The following IL2RG variants were observed in gnomAD, a reference collection of about 807,000 sequenced individuals.
IL2RG encodes cytokine receptor common subunit gamma.
For synonymous variants in IL2RG, 111 were observed against 108.5 expected (o/e 1.02, Z -0.15); for missense variants, 205 against 272.9 (o/e 0.75, Z 1.75).
chrX:71,108,478 C>T, intron 6 of IL2RG, 121 bp downstream of exon 6: 2 of 698,253 alleles, frequency 2.9e-6, no homozygotes, highest in Non-Finnish European at 4.5e-6. Flanking sequence ...TCACCAAACC[C>T]TCTTGGGTAA....
chrX:71,110,770 C>A, intron 2 of IL2RG, 82 bp from the exon 3 acceptor site: 1 of 1,085,156 alleles, frequency 9.2e-7, no homozygotes, highest in Non-Finnish European at 1.3e-6. Context: ...CCTCATCTCC[C>A]CTCAACCGAC....
Position 71,110,676 on chromosome X carries a change from C to T in IL2RG, c.282G>A (p.Ser94=), listed in dbSNP as rs142807857. 177 of 1,205,771 alleles carry T rather than the reference C, an allele frequency of 1.5e-4. No homozygotes were observed. The East Asian group carries it at 2.3e-3, about 16-fold the overall frequency. Reference sequence around the variant, plus strand: ...TGCACTTCTGGACTTTATCATTATCCGAGTTCTTGTACCTAGAGGAGAAAG... The same window carrying T: ...TGCACTTCTGGACTTTATCATTATCTGAGTTCTTGTACCTAGAGGAGAAAG... ...NLTLHYWYKN[S]DNDKVQKCSH... is the part of the protein sequence containing the mutation. Residue 94 remains serine (S), a synonymous_variant, in exon 3 of 8, where the codon TCG becomes TCA. Coordinates refer to ENST00000374202, the MANE Select transcript of IL2RG (RefSeq NM_000206.3).
Position 71,111,551 on chromosome X carries a change from TTCATTC to T in IL2RG, c.-18_-13del. The T allele has an allele frequency of 8.3e-7, 1 of 1,210,815 alleles. No homozygotes were observed. Among genetic ancestry groups the T allele is most frequent in the Non-Finnish European group, 1.1e-6 (1 of 894,888 alleles). On this transcript the variant is annotated 5_prime_UTR_variant, in exon 1 of 8. It removes an upstream start codon present in the reference 5' UTR. Coordinates refer to ENST00000374202, the MANE Select transcript of IL2RG (RefSeq NM_000206.3). ...GATGGCTTCAACATGGCGCTTGCTC[TTCATTC>T]CCTGGGTGTAGTCTGTCTGTGTCAG...
In IL2RG at chrX:71,107,554, G is replaced by C; in HGVS notation, c.*182C>G. The C allele has an allele frequency of 3.0e-6, 1 of 336,711 alleles. No individual in the cohort carries two copies. Among genetic ancestry groups the C allele is most frequent in the Non-Finnish European group, 5.3e-6 (1 of 189,152 alleles). 27.7% of individuals were successfully genotyped at this position (336,711 alleles called of 1,213,427 possible). A position where few individuals can be genotyped will look rare whatever the true frequency, so the allele number is the denominator to read the frequency against. ...TGAGGGAGAAGAAAAACATGTTCGG[G>C]GCAAAAGGGTAATTCTCAAGTGGGG... On this transcript the variant is annotated 3_prime_UTR_variant, in exon 8 of 8. Transcript: ENST00000374202.
chrX:71,110,366 T>A (rs2092260906), intron 3 of IL2RG, 71 bp from the exon 4 acceptor site: 1 of 1,119,414 alleles, frequency 8.9e-7, no homozygotes, highest in Non-Finnish European at 1.2e-6. Flanking sequence ...GTAGTGCCCC[T>A]AATACCTCCT....
At chrX:71,110,396 C>T in intron 3 of IL2RG, 101 bp from the exon 4 acceptor site, 1 of 1,108,993 alleles carries the variant, frequency 9.0e-7, no homozygotes, top group Non-Finnish European at 1.2e-6. Flanking sequence ...TCATGATCCC[C>T]TACCTCCTCT....
chrX:71,108,901 G>T (rs887379535), intron 5 of IL2RG, among the ~76,000 whole-genome samples: 9 of 112,620 alleles, frequency 8.0e-5, no homozygotes, highest in Non-Finnish European at 1.7e-4. Context: ...CAAAGAGGTA[G>T]TATGTGGCAC....
chrX:71,108,372 G>A, intron 6 of IL2RG, 26 bp from the exon 7 acceptor site: 1 of 1,055,269 alleles, frequency 9.5e-7, no homozygotes. Context: ...GAGGGAGCAG[G>A]AGCACATAGG....
intron 7 of IL2RG, 53 bp downstream of exon 7, chrX:71,108,224 G>T: frequency 1.1e-6 from 1 of 892,825 alleles, no homozygotes; most frequent in Non-Finnish European, 1.7e-6. Context: ...CTGTCTTGCT[G>T]GCAGGCAGTT....
chrX:71,109,170 G>A lies in IL2RG; in HGVS notation c.757+58C>T. ...ACAGGGAAGTGGAGCAAAAGACAGT[G>A]GTGTTAGAAAGGCTGGGGTGTTGGG... On this transcript the variant is annotated intron_variant, in intron 5 of 7. Transcript: ENST00000374202. 2.7e-6 allele frequency: 3 copies of A among 1,108,005 alleles called. No homozygotes were observed. The South Asian group carries it at 5.5e-5, about 20-fold the overall frequency. 91.3% of individuals were successfully genotyped at this position (1,108,005 alleles called of 1,213,427 possible).
In IL2RG at chrX:71,110,602, T is replaced by G; in HGVS notation, c.356A>C (p.Lys119Thr). ...TGTTTGGTAGAGGTGGATCTCCTTT[T>G]TTTGCAACTGACAGCCAGAAGTGAT... is the stretch of plus-strand genomic sequence containing the variant. ...EEITSGCQLQ[K>T]KEIHLYQTFV... Residue 119 changes from lysine to threonine, a missense_variant, in exon 3 of 8, where the codon AAA (lysine) becomes ACA (threonine). Coordinates refer to ENST00000374202, the MANE Select transcript of IL2RG (RefSeq NM_000206.3). The G allele has an allele frequency of 4.1e-6, 5 of 1,209,578 alleles. No homozygotes were observed. Among genetic ancestry groups the G allele is most frequent in the Non-Finnish European group, 5.6e-6 (5 of 893,478 alleles).
Position 71,107,667 on chromosome X carries a change from TG to T in IL2RG, c.*68del. 2 of 883,656 alleles carry T rather than the reference TG, an allele frequency of 2.3e-6. No individual in the cohort carries two copies. The highest frequency in any genetic ancestry group is 1.5e-6 in the Non-Finnish European group (1 of 657,806). The allele number at this position is 883,656 out of a possible 1,213,427, so 72.8% of individuals were successfully genotyped here. ...AGGTGAGTATGAGACGCAGGTGGGT[TG>T]AATGAAGGAAAGTTAGTACCACTTA... On this transcript the variant is annotated 3_prime_UTR_variant, in exon 8 of 8. Transcript: ENST00000374202.
chrX:71,110,173 A>G lies in IL2RG; in HGVS notation c.577T>C (p.Trp193Arg), dbSNP rs2092260403. The part of the protein sequence containing the change: ...LEHLVQYRTD[W>R]DHSWTEQSVD... The stretch of plus-strand genomic sequence containing the variant: ...TCACTCACAGTCCAGCTGTGGTCCC[A>G]GTCAGTCCGGTACTGCACCAAGTGC... The change falls in exon 4 of 8, where the codon TGG becomes CGG. Residue 193 changes from tryptophan to arginine, a missense_variant. Trp to Arg is a moderately radical substitution (Grantham distance 101). Transcript: ENST00000374202. 1 of 1,211,057 alleles carries G rather than the reference A, an allele frequency of 8.3e-7. No homozygotes were observed.
chrX:71,108,099 C>A lies in IL2RG; in HGVS notation c.924+178G>T. On this transcript the variant is annotated intron_variant, in intron 7 of 7. Coordinates refer to ENST00000374202, the MANE Select transcript of IL2RG (RefSeq NM_000206.3). ...TCTGCCTCATTCAATCTATAATCTG[C>A]ACTTCTGTGTGTGTCTCTCTCTGTA... The A allele has an allele frequency of 3.8e-6, 2 of 529,612 alleles. 1 individual carries two copies. The highest frequency in any genetic ancestry group is 6.6e-6 in the Non-Finnish European group (2 of 301,477). The allele number at this position is 529,612 out of a possible 1,213,427, so 43.6% of individuals were successfully genotyped here.
Position 71,110,649 on chromosome X carries a change from G to A in IL2RG, c.309C>T (p.Ser103=). ...TGATTTCTTCAGAGAATAGATAGTG[G>A]CTGCACTTCTGGACTTTATCATTAT... ...NSDNDKVQKC[S]HYLFSEEITS... The change falls in exon 3 of 8, where the codon AGC becomes AGT. Residue 103 remains serine (S), a synonymous_variant. Transcript: ENST00000374202. The A allele has an allele frequency of 8.3e-7, 1 of 1,210,038 alleles. No individual in the cohort carries two copies. The highest frequency in any genetic ancestry group is 1.8e-5 in the South Asian group (1 of 56,942).
At position 71,111,000 on chromosome X, in the gene IL2RG, G is replaced by A. The variant is rs1336706562; in HGVS notation, c.166C>T (p.Pro56Ser). The change falls in exon 2 of 8, where the codon CCC becomes TCC. Residue 56 changes from proline to serine, a missense_variant. Transcript: ENST00000374202. Reference protein sequence around the residue: ...PTDSLSVSTLPLPEVQCFVFN... With the variant: ...PTDSLSVSTLSLPEVQCFVFN... ...ACAAAACACTGAACCTCTGGGAGGG[G>A]CAGAGTGGAAACACTGAGGGAGTCA... 1 of 1,203,380 alleles carries A rather than the reference G, an allele frequency of 8.3e-7. No homozygotes were observed. The highest frequency in any genetic ancestry group is 3.0e-5 in the East Asian group (1 of 33,640).
At position 71,111,238 on chromosome X, in the gene IL2RG, GAAAC is replaced by G. The variant is rs1420232595; in HGVS notation, c.115+183_115+186del. Reference sequence around the variant, plus strand: ...GAGACCCTGCCTCAAAAGAAAGAAAGAAACAAACAAACAAGAAAGAAAGAAGAAG... The same window carrying G: ...GAGACCCTGCCTCAAAAGAAAGAAAGAAACAAACAAGAAAGAAAGAAGAAG... On this transcript the variant is annotated intron_variant, in intron 1 of 7. Transcript: ENST00000374202. 4.1e-5 allele frequency: 29 copies of G among 712,582 alleles called. 1 individual carries two copies. The South Asian group carries it at 4.4e-4, about 11-fold the overall frequency. The allele number at this position is 712,582 out of a possible 1,213,427, so 58.7% of individuals were successfully genotyped here.
Position 71,108,360 on chromosome X carries a change from AAG to A in IL2RG, c.855-16_855-15del. On this transcript the variant is annotated splice_polypyrimidine_tract_variant and intron_variant, in intron 6 of 7. Coordinates refer to ENST00000374202, the MANE Select transcript of IL2RG (RefSeq NM_000206.3). ...CGGGGCATCGTCCTGACAGGGGAGA[AAG>A]AGGGAGCAGGAGCACATAGGTTAAA... The A allele has an allele frequency of 1.8e-6, 2 of 1,137,239 alleles. No individual in the cohort carries two copies. Among genetic ancestry groups the A allele is most frequent in the Non-Finnish European group, 2.4e-6 (2 of 827,446 alleles). 93.7% of individuals were successfully genotyped at this position (1,137,239 alleles called of 1,213,427 possible). A position where few individuals can be genotyped will look rare whatever the true frequency, so the allele number is the denominator to read the frequency against.
At chrX:71,108,788 C>T (rs2092257108) in intron 5 of IL2RG, 93 bp from the exon 6 acceptor site, 1 of 560,005 alleles carries the variant, frequency 1.8e-6, no homozygotes. Flanking sequence ...TAAAGACATA[C>T]TCTCTGTTTA....
Sources: allele counts gnomAD v4.1 joint callset (sites outside exome capture counted in the v4.1 genomes callset), GRCh38; gene constraint gnomAD v4.1.1; transcripts MANE v1.5; gene names NCBI Gene and HGNC (gene_info 2026-07-23, HGNC 2026-07-21).